Variants in TMEM135 observed in about 807,000 individuals in gnomAD.
TMEM135 encodes peroxisomal membrane protein 52.
A neutral mutation model predicts 60.3 loss-of-function variants in TMEM135; 30 were observed. The observed-to-expected ratio is 0.50, with a 90% CI of 0.37 to 0.68. The LOEUF (loss-of-function observed/expected upper bound fraction) is 0.68, where lower values mean the gene tolerates loss of function less well. Ranked by LOEUF, TMEM135 falls within the 30% of genes least tolerant of loss-of-function variation. The pLI is 0.00. For missense variants in TMEM135, 468 were observed against 548.8 expected (o/e 0.85, Z 1.47); for synonymous variants, 190 against 186.7 (o/e 1.02, Z -0.14).
At chr11:87,111,698 C>A (rs967201782) in intron 4 of TMEM135, among the ~76,000 whole-genome samples, 2 of 148,170 alleles carry the variant, frequency 1.3e-5, no homozygotes, top group Non-Finnish European at 3.0e-5. Flanking sequence ...GCATTAATAA[C>A]CTGAATGCTT....
chr11:87,220,862 C>G (rs1940603625), intron 5 of TMEM135, among the ~76,000 whole-genome samples: 1 of 151,986 alleles, frequency 6.6e-6, no homozygotes. Context: ...GTTTAATAAC[C>G]TACATTTTCA....
At chr11:87,130,711 A>G (rs545044510) in intron 4 of TMEM135, among the ~76,000 whole-genome samples, 1 of 152,214 alleles carries the variant, frequency 6.6e-6, no homozygotes, top group Non-Finnish European at 1.5e-5. Context: ...TAAGTTGCCC[A>G]GGCTGGTCTT....
Position 87,077,605 on chromosome 11 carries a change from A to G in TMEM135, c.362+5990A>G, listed in dbSNP as rs567518104. 2.0e-5 allele frequency among the ~76,000 whole-genome samples: 3 copies of G among 152,342 alleles called. No homozygotes were observed. In the South Asian group the frequency reaches 6.2e-4, roughly 32 times the overall value. ...TTTGTAATAGCTTTATTGAGTCATAATTCATATTCCATACAGTTCACCCTT... is the reference window on the plus strand; with the variant it reads ...TTTGTAATAGCTTTATTGAGTCATAGTTCATATTCCATACAGTTCACCCTT... On this transcript the variant is annotated intron_variant, in intron 3 of 14. Coordinates refer to ENST00000305494, the MANE Select transcript of TMEM135 (RefSeq NM_022918.4).
intron 4 of TMEM135, among the ~76,000 whole-genome samples, chr11:87,092,569 G>A (rs969547201): frequency 6.6e-6 from 1 of 152,096 alleles, no homozygotes; most frequent in Admixed American, 6.6e-5. Context: ...ACTTTTAATT[G>A]TAATGAAATG....
intron 1 of TMEM135, among the ~76,000 whole-genome samples, chr11:87,046,625 C>T (rs1949798877): frequency 6.6e-6 from 1 of 152,090 alleles, no homozygotes; most frequent in African/African-American, 2.4e-5. Flanking sequence ...TTGAGAAATG[C>T]AGGGGTAGAG....
intron 5 of TMEM135, among the ~76,000 whole-genome samples, chr11:87,223,667 GCACACACACACA>G (rs113588295): frequency 8.4e-6 from 1 of 118,376 alleles, no homozygotes; most frequent in Non-Finnish European, 2.0e-5. Flanking sequence ...GCACATGCAC[GCACACACACACA>G]CACACACACA....
At chr11:87,147,992 G>A (rs1938460785) in intron 4 of TMEM135, among the ~76,000 whole-genome samples, 1 of 152,082 alleles carries the variant, frequency 6.6e-6, no homozygotes, top group South Asian at 2.1e-4. Context: ...TCCTGACCTT[G>A]AGATCTGCCC....
intron 12 of TMEM135, among the ~76,000 whole-genome samples, chr11:87,316,581 T>C (rs1942733880): frequency 1.3e-5 from 2 of 151,840 alleles, no homozygotes; most frequent in Admixed American, 6.6e-5. Flanking sequence ...ACCAGGATGA[T>C]AGCAGTAGAG....
intron 6 of TMEM135, among the ~76,000 whole-genome samples, chr11:87,289,269 C>T (rs1942221794): frequency 1.3e-5 from 2 of 152,070 alleles, no homozygotes; most frequent in South Asian, 4.2e-4. Context: ...TCTGTAATCT[C>T]AAATATTTAT....
intron 3 of TMEM135, among the ~76,000 whole-genome samples, chr11:87,089,256 G>A (rs890944836): frequency 3.9e-5 from 6 of 152,164 alleles, no homozygotes; most frequent in Admixed American, 6.5e-5. Context: ...ATTTGTCAGC[G>A]GGGTACGGTA....
intron 3 of TMEM135, among the ~76,000 whole-genome samples, chr11:87,087,310 T>G (rs952776725): frequency 6.7e-6 from 1 of 150,332 alleles, no homozygotes; most frequent in Non-Finnish European, 1.5e-5. Flanking sequence ...AAAAAAAACC[T>G]TCAGGTTATG....
At chr11:87,172,329 G>A (rs1939259421) in intron 5 of TMEM135, among the ~76,000 whole-genome samples, 1 of 151,966 alleles carries the variant, frequency 6.6e-6, no homozygotes, top group African/African-American at 2.4e-5. Flanking sequence ...TTAAGAAATA[G>A]AAAAGAAATT....
chr11:87,143,691 G>T (rs548889324), intron 4 of TMEM135, among the ~76,000 whole-genome samples: 11 of 152,248 alleles, frequency 7.2e-5, no homozygotes, highest in African/African-American at 2.6e-4. Flanking sequence ...GCAAAATTAA[G>T]CAGTCAGTCA....
chr11:87,152,341 C>CTGTA (rs1314891655), intron 4 of TMEM135, among the ~76,000 whole-genome samples: 1 of 152,084 alleles, frequency 6.6e-6, no homozygotes, highest in Admixed American at 6.5e-5. Context: ...TATATGTTCA[C>CTGTA]TGTAGTATAT....
intron 7 of TMEM135, 60 bp from the exon 8 acceptor site, chr11:87,302,236 T>A: frequency 6.4e-7 from 1 of 1,554,550 alleles, no homozygotes. Context: ...AAAGTCTTTT[T>A]TTTTTCCTCA....
intron 6 of TMEM135, among the ~76,000 whole-genome samples, chr11:87,265,919 C>T (rs1249715375): frequency 1.3e-5 from 2 of 152,054 alleles, no homozygotes; most frequent in Non-Finnish European, 1.5e-5. Context: ...GATCTCTTTA[C>T]GTGCATATAA....
chr11:87,124,293 A>T (rs1937660632), intron 4 of TMEM135, among the ~76,000 whole-genome samples: 2 of 152,218 alleles, frequency 1.3e-5, no homozygotes, highest in South Asian at 4.1e-4. Context: ...CATCTACGGG[A>T]ACTTAGCAGC....
At chr11:87,224,636 A>G (rs1403212888) in intron 5 of TMEM135, among the ~76,000 whole-genome samples, 3 of 152,164 alleles carry the variant, frequency 2.0e-5, no homozygotes, top group Non-Finnish European at 4.4e-5. Flanking sequence ...TAACAAGCAG[A>G]CTTCACATAG....
In TMEM135 at chr11:87,096,004, C is replaced by A. The variant is rs549633458; in HGVS notation, c.396+4609C>A. 1.4e-5 allele frequency: 3 copies of A among 207,044 alleles called. No homozygotes were observed. In the East Asian group the frequency reaches 3.7e-4, roughly 26 times the overall value. The allele number at this position is 207,044 out of a possible 1,614,324, so 12.8% of individuals were successfully genotyped here. ...AAAAAAAAAAAAAGCCGTTGGTAAT[C>A]TGCAATTTGGGATACTTTCTTGTGT... On this transcript the variant is annotated intron_variant, in intron 4 of 14. Transcript: ENST00000305494.
Sources: allele counts gnomAD v4.1 joint callset (sites outside exome capture counted in the v4.1 genomes callset), GRCh38; gene constraint gnomAD v4.1.1; transcripts MANE v1.5; gene names NCBI Gene and HGNC (gene_info 2026-07-23, HGNC 2026-07-21).